The following CFAP299 variants were observed in gnomAD, a reference collection of about 807,000 sequenced individuals.
CFAP299 encodes cilia and flagella associated protein 299.
CFAP299 carries 21 observed loss-of-function variants against 27.0 expected under a neutral mutation model. The observed-to-expected ratio is 0.78, with a 90% CI of 0.55 to 1.12. The LOEUF is 1.12. Among genes scored for constraint, CFAP299 ranks in the 50% most tolerant of loss-of-function variants. The pLI is 0.00. For missense variants in CFAP299, 310 were observed against 276.6 expected (o/e 1.12, Z -0.86); for synonymous variants, 104 against 98.1 (o/e 1.06, Z -0.36).
At chr4:80,859,267 A>G (rs1364999117) in intron 3 of CFAP299, among the ~76,000 whole-genome samples, 2 of 151,956 alleles carry the variant, frequency 1.3e-5, no homozygotes, top group South Asian at 2.1e-4. Context: ...TGCTTGGTAG[A>G]TCTTCCTCCA....
intron 3 of CFAP299, among the ~76,000 whole-genome samples, chr4:80,785,056 G>GT (rs574794731): frequency 1.4e-3 from 211 of 148,834 alleles, no homozygotes; most frequent in African/African-American, 5.0e-3. Context: ...ATTTATTTTT[G>GT]TTTTCTTTTA....
At chr4:80,401,419 C>T (rs2110049902) in intron 2 of CFAP299, among the ~76,000 whole-genome samples, 1 of 152,274 alleles carries the variant, frequency 6.6e-6, no homozygotes, top group African/African-American at 2.4e-5. Flanking sequence ...TGCCCTATGT[C>T]TCAGCTGCTC....
At chr4:80,582,133 A>G (rs1244341765) in intron 2 of CFAP299, among the ~76,000 whole-genome samples, 4 of 151,650 alleles carry the variant, frequency 2.6e-5, no homozygotes, top group Admixed American at 2.6e-4. Flanking sequence ...CTCTCCTTCC[A>G]CCCCACAAAC....
chr4:80,441,463 T>C (rs1331693952), intron 2 of CFAP299, among the ~76,000 whole-genome samples: 1 of 152,198 alleles, frequency 6.6e-6, no homozygotes, highest in Non-Finnish European at 1.5e-5. Context: ...CTAAGCTTCA[T>C]AATTGAAGGG....
At chr4:80,821,858 G>C (rs763612735) in intron 3 of CFAP299, among the ~76,000 whole-genome samples, 1 of 151,874 alleles carries the variant, frequency 6.6e-6, no homozygotes, top group Non-Finnish European at 1.5e-5. Flanking sequence ...TGATGGGGAG[G>C]TGGATGCATA....
At chr4:80,442,518 G>C (rs1244824054) in intron 2 of CFAP299, among the ~76,000 whole-genome samples, 1 of 152,162 alleles carries the variant, frequency 6.6e-6, no homozygotes, top group Non-Finnish European at 1.5e-5. Flanking sequence ...TGAGAAAAAA[G>C]ACACAACATA....
Position 80,682,925 on chromosome 4 carries a change from C to G in CFAP299, c.333+99742C>G, listed in dbSNP as rs188033369. ...ATGATGAACAGATTGGTACCAAGCA[C>G]GGAACCCTGAGGTCTTTTTCCATGA... is the stretch of plus-strand genomic sequence containing the variant. On this transcript the variant is annotated intron_variant, in intron 3 of 5. Coordinates refer to ENST00000358105, the MANE Select transcript of CFAP299 (RefSeq NM_152770.3). 1.4e-4 allele frequency among the ~76,000 whole-genome samples: 22 copies of G among 152,206 alleles called. No individual in the cohort carries two copies. The East Asian group carries it at 4.2e-3, about 29-fold the overall frequency.
intron 3 of CFAP299, among the ~76,000 whole-genome samples, chr4:80,680,220 T>C (rs1261938029): frequency 6.6e-6 from 1 of 152,122 alleles, no homozygotes; most frequent in Non-Finnish European, 1.5e-5. Context: ...CCAAGACCTA[T>C]TCTAGTGCCT....
chr4:80,537,909 A>G (rs1733820487), intron 2 of CFAP299, among the ~76,000 whole-genome samples: 2 of 152,182 alleles, frequency 1.3e-5, no homozygotes, highest in South Asian at 4.1e-4. Context: ...CATATATCAA[A>G]ACATCATGTT....
At chr4:80,901,444 TA>T (rs1734891800) in intron 4 of CFAP299, among the ~76,000 whole-genome samples, 1 of 152,130 alleles carries the variant, frequency 6.6e-6, no homozygotes. Flanking sequence ...CTTCTGTGGG[TA>T]AAACTGAGCA....
chr4:80,669,807 G>A (rs1330149887), intron 3 of CFAP299, among the ~76,000 whole-genome samples: 1 of 151,568 alleles, frequency 6.6e-6, no homozygotes, highest in Non-Finnish European at 1.5e-5. Context: ...CCCCTCTTCA[G>A]TACAATGATA....
chr4:80,640,849 T>C (rs1410262860), intron 3 of CFAP299, among the ~76,000 whole-genome samples: 1 of 152,232 alleles, frequency 6.6e-6, no homozygotes, highest in Non-Finnish European at 1.5e-5. Context: ...CAGTTTATCA[T>C]TGGAGCACAT....
intron 3 of CFAP299, among the ~76,000 whole-genome samples, chr4:80,692,232 A>T (rs952220162): frequency 2.0e-5 from 3 of 152,164 alleles, no homozygotes; most frequent in Non-Finnish European, 2.9e-5. Flanking sequence ...AGCCCGCATC[A>T]CCAAGTCAAT....
chr4:80,913,681 A>G (rs773428938), intron 4 of CFAP299, among the ~76,000 whole-genome samples: 1 of 152,174 alleles, frequency 6.6e-6, no homozygotes, highest in Non-Finnish European at 1.5e-5. Context: ...GTTTCTTTTT[A>G]GTTTGGTCAG....
At chr4:80,331,257 G>A (rs1721931027), upstream of CFAP299, among the ~76,000 whole-genome samples, 1 of 152,178 alleles carries the variant, frequency 6.6e-6, no homozygotes, top group South Asian at 2.1e-4. Context: ...GCAGTAGAGG[G>A]TATCAGATGA....
chr4:80,358,933 G>A (rs1419706411), intron 1 of CFAP299, among the ~76,000 whole-genome samples: 1 of 152,096 alleles, frequency 6.6e-6, no homozygotes, highest in African/African-American at 2.4e-5. Context: ...GTGTACTTCA[G>A]TGTGTTTTTG....
chr4:80,453,539 T>C (rs1351592494), intron 2 of CFAP299, among the ~76,000 whole-genome samples: 1 of 152,040 alleles, frequency 6.6e-6, no homozygotes, highest in Non-Finnish European at 1.5e-5. Context: ...CTTCAAATTA[T>C]CCCTTAAAAA....
intron 3 of CFAP299, among the ~76,000 whole-genome samples, chr4:80,585,547 G>T (rs72863142): frequency 0.078 from 11,844 of 152,158 alleles, 694 homozygotes; most frequent in East Asian, 0.26. Context: ...GGGAGAGGAG[G>T]CAATGAAGCC....
intron 2 of CFAP299, among the ~76,000 whole-genome samples, chr4:80,550,163 C>T (rs1413767554): frequency 1.3e-5 from 2 of 151,980 alleles, no homozygotes; most frequent in Admixed American, 6.6e-5. Context: ...ATACAATACA[C>T]CTCTAATCTG....
Sources: allele counts gnomAD v4.1 joint callset (sites outside exome capture counted in the v4.1 genomes callset), GRCh38; gene constraint gnomAD v4.1.1; transcripts MANE v1.5; gene names NCBI Gene and HGNC (gene_info 2026-07-23, HGNC 2026-07-21).